Variants in GAPVD1 observed in about 807,000 individuals in gnomAD.
GAPVD1 encodes GTPase-activating protein and VPS9 domain-containing protein 1.
In GAPVD1, 35 loss-of-function variants were observed where a neutral mutation model predicts 155.5. The ratio of observed to expected loss-of-function variants is 0.23; its 90% CI spans 0.17 to 0.30. The LOEUF is 0.30. GAPVD1 is among the 10% of genes least tolerant of loss of function. The pLI is 1.00. For missense variants in GAPVD1, 1,429 were observed against 1,775.7 expected (o/e 0.80, Z 3.51); for synonymous variants, 636 against 619.7 (o/e 1.03, Z -0.39).
chr9:125,275,682 G>A (rs934170880), intron 2 of GAPVD1, among the ~76,000 whole-genome samples: 1 of 152,152 alleles, frequency 6.6e-6, no homozygotes, highest in African/African-American at 2.4e-5. Flanking sequence ...CTGAACCCGA[G>A]GAGGTTGAGG....
intron 8 of GAPVD1, 77 bp from the exon 9 acceptor site, chr9:125,312,375 A>C: frequency 1.1e-6 from 1 of 936,818 alleles, no homozygotes; most frequent in Non-Finnish European, 1.6e-6. Flanking sequence ...ACTAATAGAA[A>C]ATATATTCAT....
At chr9:125,335,118 A>T in intron 15 of GAPVD1, 1 of 705,148 alleles carries the variant, frequency 1.4e-6, no homozygotes, top group Admixed American at 2.2e-5. Context: ...CAATTTTCTG[A>T]AAAGGCTACT....
At chr9:125,315,986 G>T (rs1843361151) in intron 9 of GAPVD1, among the ~76,000 whole-genome samples, 1 of 152,116 alleles carries the variant, frequency 6.6e-6, no homozygotes, top group South Asian at 2.1e-4. Flanking sequence ...CAAAGACTTG[G>T]AAATGTTTTG....
intron 12 of GAPVD1, among the ~76,000 whole-genome samples, chr9:125,327,902 T>C (rs1351713959): frequency 1.3e-5 from 2 of 152,174 alleles, no homozygotes; most frequent in Non-Finnish European, 2.9e-5. Flanking sequence ...CATGGCCAGC[T>C]TTCTTTCATC....
At chr9:125,325,496 G>C (rs1163242739) in intron 11 of GAPVD1, among the ~76,000 whole-genome samples, 4 of 146,976 alleles carry the variant, frequency 2.7e-5, no homozygotes, top group Non-Finnish European at 4.5e-5. Flanking sequence ...CTCCAGCCTG[G>C]GCGACAGAGC....
chr9:125,347,652 G>A (rs547855114), intron 20 of GAPVD1, among the ~76,000 whole-genome samples: 4 of 152,086 alleles, frequency 2.6e-5, no homozygotes, highest in Non-Finnish European at 4.4e-5. Flanking sequence ...CCCAGGAGGC[G>A]GAGGTTGCAG....
chr9:125,305,297 A>G, intron 6 of GAPVD1, 148 bp downstream of exon 6: 1 of 571,580 alleles, frequency 1.7e-6, no homozygotes, highest in Non-Finnish European at 3.1e-6. Flanking sequence ...AAGATGATTA[A>G]TTCCCACAGA....
intron 20 of GAPVD1, 92 bp from the exon 21 acceptor site, chr9:125,349,298 A>G: frequency 9.7e-7 from 1 of 1,030,448 alleles, no homozygotes; most frequent in South Asian, 1.8e-5. Flanking sequence ...AGTCAATGGT[A>G]ATTTATTCTT....
chr9:125,293,858 A>ATATAAATATATTTTT (rs1564310995), intron 2 of GAPVD1, among the ~76,000 whole-genome samples: 1 of 8,196 alleles, frequency 1.2e-4, no homozygotes, highest in African/African-American at 1.2e-3. Context: ...TATTTTATAT[A>ATATAAATATATTTTT]TATATATATA....
intron 24 of GAPVD1, among the ~76,000 whole-genome samples, chr9:125,355,103 A>T (rs957774675): frequency 4.6e-5 from 7 of 152,126 alleles, no homozygotes; most frequent in Non-Finnish European, 1.0e-4. Flanking sequence ...CATTTTTTTT[A>T]AAAAGCCAAA....
chr9:125,303,411 G>A (rs990038484), intron 5 of GAPVD1, among the ~76,000 whole-genome samples: 4 of 150,414 alleles, frequency 2.7e-5, no homozygotes, highest in African/African-American at 4.9e-5. Context: ...TGGGTAGATC[G>A]TTTGACATCA....
chr9:125,311,298 A>G (rs1487728033), intron 8 of GAPVD1, among the ~76,000 whole-genome samples: 1 of 152,088 alleles, frequency 6.6e-6, no homozygotes, highest in African/African-American at 2.4e-5. Context: ...AAAGACATTA[A>G]TGCATTTCAG....
intron 13 of GAPVD1, among the ~76,000 whole-genome samples, chr9:125,331,403 G>T (rs755162586): frequency 1.3e-5 from 2 of 152,068 alleles, no homozygotes; most frequent in Non-Finnish European, 2.9e-5. Flanking sequence ...ATTTCACCGT[G>T]TTGGGCATGC....
chr9:125,336,835 T>C, intron 15 of GAPVD1, 183 bp from the exon 16 acceptor site: 1 of 579,960 alleles, frequency 1.7e-6, no homozygotes, highest in East Asian at 2.9e-5. Context: ...TGTATGAAGA[T>C]ACTCATAAAA....
chr9:125,361,685 C>G (rs926693879), intron 27 of GAPVD1, among the ~76,000 whole-genome samples: 2 of 152,170 alleles, frequency 1.3e-5, no homozygotes, highest in African/African-American at 2.4e-5. Flanking sequence ...TTACCAATCT[C>G]CTTCCTCTTT....
chr9:125,263,447 C>CA (rs1310296758), intron 1 of GAPVD1: 1 of 565,010 alleles, frequency 1.8e-6, no homozygotes, highest in Non-Finnish European at 3.2e-6. Context: ...GACTCCGTCT[C>CA]AAAAAACAAA....
intron 15 of GAPVD1, chr9:125,335,181 A>G (rs1846703052): frequency 2.6e-6 from 2 of 766,972 alleles, no homozygotes; most frequent in Admixed American, 1.8e-5. Context: ...GATTTTCTTT[A>G]TATACTTCAG....
In GAPVD1 at chr9:125,362,655, A is replaced by T. The variant is rs146871166; in HGVS notation, c.4292A>T (p.Tyr1431Phe). The T allele has an allele frequency of 1.2e-6, 2 of 1,613,394 alleles. No homozygotes were observed. Among genetic ancestry groups the T allele is most frequent in the Non-Finnish European group, 1.7e-6 (2 of 1,179,490 alleles). ...ACTGTGCAGTATATCAGTAGCTTTT[A>T]TGCTAGCTGTCTGTCTGGAGAGGAG... ...LSTVQYISSFYASCLSGEESY... is the reference protein window; with the variant it reads ...LSTVQYISSFFASCLSGEESY... The change falls in exon 28 of 28, where the codon TAT (tyrosine) becomes TTT (phenylalanine). Residue 1431 changes from tyrosine to phenylalanine, a missense_variant. By Grantham distance (22) the Tyr-to-Phe change is conservative. Transcript: ENST00000297933.
At chr9:125,340,057 G>T (rs978723253) in intron 17 of GAPVD1, among the ~76,000 whole-genome samples, 1 of 152,160 alleles carries the variant, frequency 6.6e-6, no homozygotes, top group Non-Finnish European at 1.5e-5. Flanking sequence ...GTCTCACTCT[G>T]TCGCCCAGGC....
Sources: gnomAD v4.1 joint callset for allele counts (sites outside exome capture counted in the v4.1 genomes callset) on GRCh38, gnomAD v4.1.1 for gene constraint, MANE v1.5 for transcripts, NCBI Gene and HGNC (gene_info 2026-07-23, HGNC 2026-07-21) for gene names.